Variants in MRPL42 observed in about 807,000 individuals in gnomAD.
MRPL42 encodes the protein large ribosomal subunit protein mL42.
MRPL42 carries 17 observed loss-of-function variants against 17.9 expected under a neutral mutation model. That is an observed-to-expected ratio of 0.95 (90% CI 0.65 to 1.42). The LOEUF is 1.42. Ranked by LOEUF, MRPL42 falls within the 40% of genes most tolerant of loss-of-function variation. The pLI is 0.00. For missense variants in MRPL42, 177 were observed against 175.2 expected, an observed-to-expected ratio of 1.01 and a Z score of -0.06; for synonymous variants, 59 against 54.4, an observed-to-expected ratio of 1.08 and a Z score of -0.37.
rs1200270793 is a variant in MRPL42, at chr12:93,514,717, C to T, written c.*13496C>T. ...TTTGAAAATATTTGTCATATTCCTT[C>T]TTATTTTTCTTTAAGCTTTATTTTT... is the stretch of plus-strand genomic sequence containing the variant. On this transcript the variant is annotated 3_prime_UTR_variant, in exon 6 of 6. Coordinates refer to ENST00000549982, the MANE Select transcript of MRPL42 (RefSeq NM_014050.4). The T allele has an allele frequency of 1.3e-5, 2 of 152,112 alleles. No individual in the cohort carries two copies. The highest frequency in any genetic ancestry group is 2.9e-5 in the Non-Finnish European group (2 of 68,016). 9.4% of individuals were successfully genotyped at this position (152,112 alleles called of 1,614,324 possible).
rs1268765382 is a variant in MRPL42 at position 93,501,579 on chromosome 12, A to G, written c.*358A>G. 3.1e-5 allele frequency: 5 copies of G among 161,130 alleles called. No individual in the cohort carries two copies. Among genetic ancestry groups the G allele is most frequent in the Non-Finnish European group, 6.7e-5 (5 of 74,400 alleles). The allele number at this position is 161,130 out of a possible 1,614,324, so 10.0% of individuals were successfully genotyped here. On this transcript the variant is annotated 3_prime_UTR_variant, in exon 6 of 6. Coordinates refer to ENST00000549982, the MANE Select transcript of MRPL42 (RefSeq NM_014050.4). The stretch of plus-strand genomic sequence containing the variant: ...AGATAATTTTGCTAAACAGTAGGCT[A>G]CTGTAAGTGTTCTGAGCATATTTAA...
rs923917287 is a variant in MRPL42 at position 93,502,350 on chromosome 12, T to C, written c.*1129T>C. On this transcript the variant is annotated 3_prime_UTR_variant, in exon 6 of 6. Coordinates refer to ENST00000549982, the MANE Select transcript of MRPL42 (RefSeq NM_014050.4). ...TCCCCTTCAGTTTCTATTTAGGAGGTGAAGAATCTTTTAATAAGGTAGAAA... is the reference window on the plus strand; with the variant it reads ...TCCCCTTCAGTTTCTATTTAGGAGGCGAAGAATCTTTTAATAAGGTAGAAA... The C allele has an allele frequency of 2.0e-5, 3 of 152,192 alleles. No individual in the cohort carries two copies. Among genetic ancestry groups the C allele is most frequent in the African/African-American group, 7.2e-5 (3 of 41,454 alleles). The allele number at this position is 152,192 out of a possible 1,614,324, so 9.4% of individuals were successfully genotyped here.
At position 93,506,782 on chromosome 12, in the gene MRPL42, C is replaced by T. The variant is rs1953675383; in HGVS notation, c.*5561C>T. ...AGTACATTGGATTACTATTATGCCACTTACTTGAATAATTGTCTTGATGAG... is the reference window on the plus strand; with the variant it reads ...AGTACATTGGATTACTATTATGCCATTTACTTGAATAATTGTCTTGATGAG... On this transcript the variant is annotated 3_prime_UTR_variant, in exon 6 of 6. Transcript: ENST00000549982. The T allele has an allele frequency of 6.6e-6, 1 of 152,148 alleles. No homozygotes were observed. The highest frequency in any genetic ancestry group is 6.5e-5 in the Admixed American group (1 of 15,272). The allele number at this position is 152,148 out of a possible 1,614,324, so 9.4% of individuals were successfully genotyped here.
At chr12:93,482,459 C>T (rs1053520274) in intron 4 of MRPL42, among the ~76,000 whole-genome samples, 7 of 152,074 alleles carry the variant, frequency 4.6e-5, no homozygotes, top group Admixed American at 6.6e-5. Flanking sequence ...CCTGGAATAA[C>T]GCTTTGAACT....
chr12:93,500,860 A>C, intron 5 of MRPL42: 1 of 188,270 alleles, frequency 5.3e-6, no homozygotes, highest in Non-Finnish European at 1.1e-5. Flanking sequence ...TAGGCAGGGT[A>C]AGGTAGGAGG....
intron 2 of MRPL42, among the ~76,000 whole-genome samples, chr12:93,472,521 G>C (rs1032190222): frequency 1.3e-5 from 2 of 152,136 alleles, no homozygotes. Flanking sequence ...CCAGGAGTTC[G>C]AGGCTGTGAT....
chr12:93,485,021 T>TACAC (rs1880669810), intron 4 of MRPL42, among the ~76,000 whole-genome samples: 1 of 95,074 alleles, frequency 1.1e-5, no homozygotes, highest in African/African-American at 3.9e-5. Flanking sequence ...TATATATATA[T>TACAC]ATATATAAAC....
intron 4 of MRPL42, among the ~76,000 whole-genome samples, chr12:93,485,432 C>T (rs1042236749): frequency 9.9e-5 from 15 of 151,666 alleles, no homozygotes; most frequent in Non-Finnish European, 1.6e-4. Flanking sequence ...TGTGAGCCAC[C>T]GCACCTGGCC....
intron 5 of MRPL42, among the ~76,000 whole-genome samples, chr12:93,499,768 T>A (rs1953557102): frequency 6.6e-6 from 1 of 152,154 alleles, no homozygotes; most frequent in Non-Finnish European, 1.5e-5. Flanking sequence ...TTTTGCAAAT[T>A]TTCAAAAATA....
chr12:93,497,014 G>A (rs932129750), intron 5 of MRPL42, among the ~76,000 whole-genome samples: 3 of 152,106 alleles, frequency 2.0e-5, no homozygotes, highest in African/African-American at 7.2e-5. Flanking sequence ...TCGCATGTTT[G>A]AATCAGGAAG....
intron 4 of MRPL42, among the ~76,000 whole-genome samples, chr12:93,485,141 C>T (rs959061906): frequency 1.4e-5 from 2 of 146,828 alleles, no homozygotes; most frequent in Non-Finnish European, 3.0e-5. Flanking sequence ...GTGTGAGCCA[C>T]TGCACGTGGC....
At chr12:93,489,962 C>A (rs1469102762) in intron 5 of MRPL42, among the ~76,000 whole-genome samples, 2 of 152,236 alleles carry the variant, frequency 1.3e-5, no homozygotes, top group African/African-American at 4.8e-5. Context: ...TGCCTTAAAT[C>A]ATTAAATCTC....
At chr12:93,483,106 G>C (rs761354152) in intron 4 of MRPL42, among the ~76,000 whole-genome samples, 3 of 152,074 alleles carry the variant, frequency 2.0e-5, no homozygotes, top group African/African-American at 7.2e-5. Flanking sequence ...TGTTGGCCAG[G>C]CTGGTCTCTA....
chr12:93,475,606 A>G (rs1442591174), intron 2 of MRPL42, among the ~76,000 whole-genome samples: 3 of 152,154 alleles, frequency 2.0e-5, no homozygotes, highest in Non-Finnish European at 4.4e-5. Context: ...GCTTTTAACT[A>G]TATTGAGCTA....
chr12:93,496,326 T>C (rs1164349966), intron 5 of MRPL42, among the ~76,000 whole-genome samples: 1 of 152,022 alleles, frequency 6.6e-6, no homozygotes, highest in Non-Finnish European at 1.5e-5. Context: ...CCCAAAGTGC[T>C]AAGATTACAA....
In MRPL42 at chr12:93,509,841, G is replaced by A. The variant is rs936909344; in HGVS notation, c.*8620G>A. On this transcript the variant is annotated 3_prime_UTR_variant, in exon 6 of 6. Transcript: ENST00000549982. ...TGAGCAAAATTGAGAGGAGGGTACA[G>A]AAATAACTTATATATCCTCAGTGCT... 1.3e-5 allele frequency: 2 copies of A among 151,802 alleles called. No individual in the cohort carries two copies. The highest frequency in any genetic ancestry group is 2.4e-5 in the African/African-American group (1 of 41,310). 9.4% of individuals were successfully genotyped at this position (151,802 alleles called of 1,614,324 possible).
intron 1 of MRPL42, among the ~76,000 whole-genome samples, chr12:93,467,922 C>A (rs1879713400): frequency 6.6e-6 from 1 of 152,150 alleles, no homozygotes; most frequent in African/African-American, 2.4e-5. Flanking sequence ...CTGAAATGAT[C>A]TTCCTGGGGT....
intron 5 of MRPL42, among the ~76,000 whole-genome samples, chr12:93,500,440 CA>C (rs1339161536): frequency 6.6e-6 from 1 of 152,150 alleles, no homozygotes; most frequent in Admixed American, 6.6e-5. Flanking sequence ...TTTGTGATCT[CA>C]AAAACAAAAG....
intron 4 of MRPL42, among the ~76,000 whole-genome samples, chr12:93,484,796 A>G (rs546692348): frequency 6.7e-6 from 1 of 150,082 alleles, no homozygotes; most frequent in East Asian, 2.0e-4. Flanking sequence ...CAGAGTTTCA[A>G]CATGTTGGCC....
Sources: allele counts gnomAD v4.1 joint callset (sites outside exome capture counted in the v4.1 genomes callset), GRCh38; gene constraint gnomAD v4.1.1; transcripts MANE v1.5; gene names NCBI Gene and HGNC (gene_info 2026-07-23, HGNC 2026-07-21).